FAM163A: variants seen among roughly 807,000 people sequenced by gnomAD.
The protein encoded by FAM163A is family with sequence similarity 163 member A, also known as protein FAM163A.
Under a neutral mutation model 12.0 loss-of-function variants are expected in FAM163A, and 7 were observed. The ratio of observed to expected loss-of-function variants is 0.58; its 90% confidence interval spans 0.33 to 1.10. The LOEUF is 1.10. Among genes scored for constraint, FAM163A ranks in the 50% least tolerant of loss-of-function variants. The pLI, the probability that FAM163A is intolerant of heterozygous loss-of-function variation, is 0.03. For missense variants in FAM163A, 202 were observed against 218.6 expected (o/e 0.92, Z 0.48); for synonymous variants, 101 against 91.0 (o/e 1.11, Z -0.62).
At chr1:179,796,632 T>G (rs1376872078) in intron 1 of FAM163A, among the ~76,000 whole-genome samples, 1 of 152,184 alleles carries the variant, frequency 6.6e-6, no homozygotes, top group African/African-American at 2.4e-5. Flanking sequence ...CTTCTCTCAT[T>G]GTCTAAGTAC....
chr1:179,802,758 CA>C (rs1693361467), intron 1 of FAM163A, among the ~76,000 whole-genome samples: 1 of 152,120 alleles, frequency 6.6e-6, no homozygotes, highest in African/African-American at 2.4e-5. Context: ...TTTGCCAATC[CA>C]AAGGTAAAAA....
chr1:179,740,770 C>T (rs1346696429), upstream of FAM163A, among the ~76,000 whole-genome samples: 3 of 151,948 alleles, frequency 2.0e-5, no homozygotes, highest in East Asian at 1.9e-4. Flanking sequence ...GGTGTGGCTA[C>T]GAAAGGGCAA....
chr1:179,799,013 A>G (rs945058119), intron 1 of FAM163A, among the ~76,000 whole-genome samples: 6 of 152,030 alleles, frequency 3.9e-5, no homozygotes, highest in African/African-American at 9.7e-5. Context: ...GCCTAATGCA[A>G]TGACCCTCCT....
chr1:179,812,405 T>C (rs1694813478), intron 3 of FAM163A, among the ~76,000 whole-genome samples: 1 of 152,066 alleles, frequency 6.6e-6, no homozygotes, highest in Non-Finnish European at 1.5e-5. Flanking sequence ...CGCCTTGCCT[T>C]TGTTTTCCAG....
At chr1:179,796,196 T>G (rs141829672) in intron 1 of FAM163A, among the ~76,000 whole-genome samples, 43 of 151,924 alleles carry the variant, frequency 2.8e-4, no homozygotes, top group African/African-American at 1.0e-3. Flanking sequence ...TCAATGCTAA[T>G]CTATCTATTT....
intron 1 of FAM163A, among the ~76,000 whole-genome samples, chr1:179,765,229 A>G (rs2148069614): frequency 6.6e-6 from 1 of 152,274 alleles, no homozygotes; most frequent in South Asian, 2.1e-4. Flanking sequence ...GGCGGGTGGG[A>G]TGTGATCTCC....
At chr1:179,778,627 A>G (rs1459439519) in intron 1 of FAM163A, among the ~76,000 whole-genome samples, 2 of 152,212 alleles carry the variant, frequency 1.3e-5, no homozygotes, top group African/African-American at 4.8e-5. Context: ...GAAAGATAGT[A>G]GCATTCCAAG....
chr1:179,761,428 G>A (rs1488488873), intron 1 of FAM163A, among the ~76,000 whole-genome samples: 1 of 152,198 alleles, frequency 6.6e-6, no homozygotes, highest in Non-Finnish European at 1.5e-5. Context: ...TTTTCTCCAG[G>A]AGGACTGCAA....
chr1:179,803,393 G>A (rs2148327230), intron 1 of FAM163A, among the ~76,000 whole-genome samples: 1 of 152,222 alleles, frequency 6.6e-6, no homozygotes, highest in South Asian at 2.1e-4. Context: ...GTGAGGCGAG[G>A]TGACCCTGTT....
At chr1:179,783,738 GCC>G (rs1690144722) in intron 1 of FAM163A, among the ~76,000 whole-genome samples, 1 of 59,240 alleles carries the variant, frequency 1.7e-5, no homozygotes, top group Non-Finnish European at 3.0e-5. Context: ...ATATAATTGA[GCC>G]CAAATATTAT....
the FAM163A span, chr1:179,730,301 CAGAAGG>C: frequency 6.6e-6 from 1 of 152,238 alleles, no homozygotes; most frequent in African/African-American, 2.4e-5. Context: ...TAGGACGGTG[CAGAAGG>C]AGGAGAACCC....
chr1:179,761,571 T>C (rs1686821613), intron 1 of FAM163A, among the ~76,000 whole-genome samples: 1 of 152,192 alleles, frequency 6.6e-6, no homozygotes, highest in South Asian at 2.1e-4. Flanking sequence ...TATGTATCCA[T>C]CCTCCCAGAA....
At chr1:179,737,634 G>T in the FAM163A span, among the ~76,000 whole-genome samples, 1 of 152,170 alleles carries the variant, frequency 6.6e-6, no homozygotes, top group Admixed American at 6.5e-5. Flanking sequence ...AGGAGATCAA[G>T]ACCATCGTGG....
intron 1 of FAM163A, among the ~76,000 whole-genome samples, chr1:179,796,809 CTG>C (rs1692395165): frequency 6.6e-6 from 1 of 152,240 alleles, no homozygotes; most frequent in African/African-American, 2.4e-5. Context: ...TCTTAACCTA[CTG>C]TGTTTTTCTG....
At chr1:179,798,356 G>T (rs1229368160) in intron 1 of FAM163A, among the ~76,000 whole-genome samples, 2 of 152,196 alleles carry the variant, frequency 1.3e-5, no homozygotes, top group Non-Finnish European at 2.9e-5. Context: ...TCCTTTGCAG[G>T]CTCCACTGTG....
intron 1 of FAM163A, among the ~76,000 whole-genome samples, chr1:179,744,733 C>T (rs1377272640): frequency 6.6e-6 from 1 of 152,108 alleles, no homozygotes; most frequent in Non-Finnish European, 1.5e-5. Context: ...CCTGGGCCCT[C>T]CCCCAGGGCG....
chr1:179,765,835 G>A (rs75579407), intron 1 of FAM163A, among the ~76,000 whole-genome samples: 5,182 of 152,236 alleles, frequency 0.034, 160 homozygotes, highest in African/African-American at 0.083. Flanking sequence ...CACATGGTCA[G>A]TGTGACTACA....
intron 1 of FAM163A, among the ~76,000 whole-genome samples, chr1:179,757,225 A>G (rs751352393): frequency 8.5e-5 from 13 of 152,216 alleles, no homozygotes; most frequent in Non-Finnish European, 1.5e-4. Context: ...AAGCTTGACC[A>G]TGTCCTTGGA....
chr1:179,780,179 G>T (rs1463102145), intron 1 of FAM163A, among the ~76,000 whole-genome samples: 1 of 152,186 alleles, frequency 6.6e-6, no homozygotes, highest in Non-Finnish European at 1.5e-5. Context: ...CTATGCAAAT[G>T]TATATTTATG....
Sources: allele counts gnomAD v4.1 joint callset (sites outside exome capture counted in the v4.1 genomes callset), GRCh38; gene constraint gnomAD v4.1.1; transcripts MANE v1.5; gene names NCBI Gene and HGNC (gene_info 2026-07-23, HGNC 2026-07-21).